The following RTN4 variants were observed in gnomAD, a reference collection of about 807,000 sequenced individuals.
RTN4 encodes reticulon-4.
Under a neutral mutation model 90.4 loss-of-function variants are expected in RTN4, and 32 were observed. That is an observed-to-expected ratio of 0.35 (90% CI 0.27 to 0.48). The LOEUF (loss-of-function observed/expected upper bound fraction) is 0.48. Ranked by LOEUF, RTN4 falls within the 20% of genes least tolerant of loss-of-function variation. The probability of loss-of-function intolerance (pLI) is 0.99; values close to 1 mark genes in which losing one functional copy is unlikely to be tolerated. For missense variants in RTN4, 1,706 were observed against 1,430.2 expected (o/e 1.19, Z -3.11); for synonymous variants, 629 against 552.5 (o/e 1.14, Z -1.94).
chr2:55,070,090 G>A (rs944554809), intron 2 of RTN4, among the ~76,000 whole-genome samples: 1 of 152,182 alleles, frequency 6.6e-6, no homozygotes, highest in Non-Finnish European at 1.5e-5. Flanking sequence ...AAGGCAAAGA[G>A]ACAGTCTAAA....
intron 3 of RTN4, among the ~76,000 whole-genome samples, chr2:55,001,399 A>C (rs1043254916): frequency 1.3e-5 from 2 of 152,226 alleles, no homozygotes; most frequent in African/African-American, 4.8e-5. Context: ...CTATTTGAGG[A>C]GTACAAGATT....
At chr2:54,993,746 G>A (rs1458990785) in intron 3 of RTN4, among the ~76,000 whole-genome samples, 2 of 152,212 alleles carry the variant, frequency 1.3e-5, no homozygotes, top group African/African-American at 4.8e-5. Context: ...ACCCTTTAGA[G>A]CCCTGGAGGA....
intron 1 of RTN4, chr2:55,049,418 C>T: frequency 2.8e-6 from 1 of 358,274 alleles, no homozygotes; most frequent in South Asian, 4.3e-5. Context: ...AACCCTGGCT[C>T]TCGGGTATAT....
chr2:55,009,980 A>T, intron 3 of RTN4: 1 of 1,277,568 alleles, frequency 7.8e-7, no homozygotes, highest in Non-Finnish European at 1.1e-6. Context: ...TCAACTCTTC[A>T]GAGGTTTCAC....
In RTN4 at chr2:55,027,430, A is replaced by C; in HGVS notation, c.669T>G (p.Asp223Glu). ...CAGTTTCAAGCAGGACAGATGGGAA[A>C]TCCTCTTGACCAGCCGAAATAGTGT... is the stretch of plus-strand genomic sequence containing the variant. ...PGNTISAGQE[D>E]FPSVLLETAA... The change falls in exon 3 of 9, where the codon GAT (aspartate) becomes GAG (glutamate). Residue 223 changes from aspartate (D) to glutamate (E), a missense_variant. Coordinates refer to ENST00000337526, the MANE Select transcript of RTN4 (RefSeq NM_020532.5). 4 of 1,613,516 alleles carry C rather than the reference A, an allele frequency of 2.5e-6. No individual in the cohort carries two copies. Among genetic ancestry groups the C allele is most frequent in the Non-Finnish European group, 3.4e-6 (4 of 1,179,676 alleles).
chr2:54,978,448 A>AAAAAAAAAG (rs1558756009), intron 5 of RTN4, among the ~76,000 whole-genome samples: 1 of 151,168 alleles, frequency 6.6e-6, no homozygotes, highest in Non-Finnish European at 1.5e-5. Context: ...AAAAAAAAAA[A>AAAAAAAAAG]AAAAAGAGCT....
intron 1 of RTN4, among the ~76,000 whole-genome samples, chr2:55,031,455 A>G (rs1573432378): frequency 6.6e-6 from 1 of 152,368 alleles, no homozygotes; most frequent in Admixed American, 6.5e-5. Context: ...AAATCTGGAT[A>G]GGGGTTCCTC....
intron 1 of RTN4, 140 bp downstream of exon 1, chr2:55,049,605 A>G (rs1385504737): frequency 7.3e-7 from 1 of 1,367,902 alleles, no homozygotes; most frequent in Non-Finnish European, 1.0e-6. Context: ...TTCCAACCAG[A>G]CGGGGCGCCA....
At chr2:55,131,928 T>G in the RTN4 span, among the ~76,000 whole-genome samples, 1 of 152,154 alleles carries the variant, frequency 6.6e-6, no homozygotes, top group Non-Finnish European at 1.5e-5. Flanking sequence ...ATTTCTTTTT[T>G]TATTACATGA....
At chr2:55,037,225 C>A (rs1370980461) in intron 1 of RTN4, among the ~76,000 whole-genome samples, 2 of 152,166 alleles carry the variant, frequency 1.3e-5, no homozygotes, top group Non-Finnish European at 2.9e-5. Context: ...AGAGAAATTA[C>A]AGATGATCTA....
chr2:55,118,002 A>G, the RTN4 span, among the ~76,000 whole-genome samples: 43,740 of 152,140 alleles, frequency 0.29, 6,815 homozygotes, highest in African/African-American at 0.39. Context: ...ATTTCATAAT[A>G]ACAAAGGTTG....
chr2:55,134,863 G>C, the RTN4 span, among the ~76,000 whole-genome samples: 2 of 152,130 alleles, frequency 1.3e-5, no homozygotes, highest in Non-Finnish European at 2.9e-5. Flanking sequence ...AATTCTGATC[G>C]GGGCTTCACT....
intron 1 of RTN4, among the ~76,000 whole-genome samples, chr2:55,098,229 T>C (rs1182126068): frequency 1.3e-5 from 2 of 152,142 alleles, no homozygotes; most frequent in South Asian, 2.1e-4. Context: ...TAGTAAATGT[T>C]TGTGGTCTTG....
chr2:55,123,347 T>G, the RTN4 span, among the ~76,000 whole-genome samples: 1 of 152,156 alleles, frequency 6.6e-6, no homozygotes, highest in Non-Finnish European at 1.5e-5. Flanking sequence ...CAACTCTAAA[T>G]GTACTAAAAT....
intron 3 of RTN4, among the ~76,000 whole-genome samples, chr2:55,014,081 T>C (rs1680850398): frequency 6.6e-6 from 1 of 152,230 alleles, no homozygotes; most frequent in Admixed American, 6.5e-5. Flanking sequence ...CATGTTTCAA[T>C]ACTGAAAGGA....
Position 55,027,502 on chromosome 2 carries a change from A to G in RTN4, c.614-17T>C. 6.3e-7 allele frequency: 1 copy of G among 1,575,632 alleles called. No homozygotes were observed. ...CCATATTTTCTGTGACCATGGACAG[A>G]AAGGAAAGTTAGAGAATGCCAGTGT... On this transcript the variant is annotated splice_polypyrimidine_tract_variant and intron_variant, in intron 2 of 8. Coordinates refer to ENST00000337526, the MANE Select transcript of RTN4 (RefSeq NM_020532.5).
chr2:55,129,843 G>C, the RTN4 span, among the ~76,000 whole-genome samples: 1 of 152,142 alleles, frequency 6.6e-6, no homozygotes, highest in South Asian at 2.1e-4. Context: ...TTACAGGCGT[G>C]AGCCACCGTG....
chr2:55,065,888 T>A (rs1668381180), intron 2 of RTN4, among the ~76,000 whole-genome samples: 1 of 152,212 alleles, frequency 6.6e-6, no homozygotes, highest in African/African-American at 2.4e-5. Flanking sequence ...ATACTTGATT[T>A]GGATGGTGGT....
the RTN4 span, among the ~76,000 whole-genome samples, chr2:55,133,216 A>T: frequency 6.6e-6 from 1 of 152,200 alleles, no homozygotes; most frequent in Admixed American, 6.5e-5. Context: ...GTCTCAAAAA[A>T]CTAAAACTAA....
Sources: allele counts gnomAD v4.1 joint callset (sites outside exome capture counted in the v4.1 genomes callset), GRCh38; gene constraint gnomAD v4.1.1; transcripts MANE v1.5; gene names NCBI Gene and HGNC (gene_info 2026-07-23, HGNC 2026-07-21).